ABHD6: variants seen among roughly 807,000 people sequenced by gnomAD.
The protein encoded by ABHD6 is abhydrolase domain containing 6, acylglycerol lipase.
A neutral mutation model predicts 38.8 loss-of-function variants in ABHD6; 33 were observed. The observed-to-expected ratio is 0.85, with a 90% CI of 0.64 to 1.14. The LOEUF (loss-of-function observed/expected upper bound fraction) is 1.14. Ranked by LOEUF, ABHD6 falls within the 50% of genes most tolerant of loss-of-function variation. The pLI is 0.00. For synonymous variants in ABHD6, 147 were observed against 161.6 expected (o/e 0.91, Z 0.69); for missense variants, 380 against 422.6 (o/e 0.90, Z 0.88).
In ABHD6 at chr3:58,256,472, G is replaced by T; in HGVS notation, c.-25-90G>T. On this transcript the variant is annotated intron_variant, in intron 2 of 9. Coordinates refer to ENST00000478253, the MANE Select transcript of ABHD6 (RefSeq NM_001320126.2). The surrounding 1 kb of genome is among the most constrained non-coding windows in gnomAD (Gnocchi z 4.3). ...CCTCCTGTTCTTTACCCTCACTCTG[G>T]GAACTTCACTTTTCTTGTCCCCTTT... 1 of 752,046 alleles carries T rather than the reference G, an allele frequency of 1.3e-6. No homozygotes were observed. Among genetic ancestry groups the T allele is most frequent in the East Asian group, 2.7e-5 (1 of 37,234 alleles). The allele number at this position is 752,046 out of a possible 1,614,324, so 46.6% of individuals were successfully genotyped here.
rs1235603195 is a variant in ABHD6 at position 58,286,852 on chromosome 3, GTA to G, written c.837+1415_837+1416del. ...TGTGTGTGTGTGTGTGTGTGTGTGT[GTA>G]TATATATATATATATGTATATGTAT... On this transcript the variant is annotated intron_variant, in intron 9 of 9. Coordinates refer to ENST00000478253, the MANE Select transcript of ABHD6 (RefSeq NM_001320126.2). 1.6e-3 allele frequency among the ~76,000 whole-genome samples: 111 copies of G among 70,604 alleles called. 7 individuals are homozygous for G. Among genetic ancestry groups the G allele is most frequent in the South Asian group, 4.4e-3 (6 of 1,370 alleles). 46.3% of individuals were successfully genotyped at this position (70,604 alleles called of 152,430 possible). A position where few individuals can be genotyped will look rare whatever the true frequency, so the allele number is the denominator to read the frequency against.
In ABHD6 at chr3:58,293,269, G is replaced by A. The variant is rs1370664638; in HGVS notation, c.838-320G>A. On this transcript the variant is annotated intron_variant, in intron 9 of 9. Coordinates refer to ENST00000478253, the MANE Select transcript of ABHD6 (RefSeq NM_001320126.2). The surrounding 1 kb of genome is among the most constrained non-coding windows in gnomAD (Gnocchi z 4.4). The stretch of plus-strand genomic sequence containing the variant: ...GGACTCAGGAACGAGGTCTTCCCTC[G>A]ACCCTGCTCATCCCCTGTGCTCTCT... Among the ~76,000 whole-genome samples, 1 of 152,006 alleles carries A rather than the reference G, an allele frequency of 6.6e-6. No homozygotes were observed. Among genetic ancestry groups the A allele is most frequent in the Non-Finnish European group, 1.5e-5 (1 of 68,014 alleles).
At chr3:58,247,294 G>T (rs1422252172) in intron 1 of ABHD6, among the ~76,000 whole-genome samples, 1 of 152,072 alleles carries the variant, frequency 6.6e-6, no homozygotes, top group Non-Finnish European at 1.5e-5. Flanking sequence ...GTGAGCCACG[G>T]TGCCTGGCCT....
At chr3:58,255,613 C>T (rs1444478625) in intron 2 of ABHD6, among the ~76,000 whole-genome samples, 1 of 152,010 alleles carries the variant, frequency 6.6e-6, no homozygotes, top group Non-Finnish European at 1.5e-5. Context: ...CATGAGCTAC[C>T]ATGCCCAACC....
intron 1 of ABHD6, among the ~76,000 whole-genome samples, chr3:58,241,646 T>G: frequency 6.6e-6 from 1 of 152,212 alleles, no homozygotes; most frequent in South Asian, 2.1e-4. Flanking sequence ...TGATGAAGTC[T>G]GGGGATGGGA....
intron 7 of ABHD6, among the ~76,000 whole-genome samples, chr3:58,280,311 C>T (rs1470189376): frequency 6.6e-6 from 1 of 151,648 alleles, no homozygotes; most frequent in African/African-American, 2.4e-5. Flanking sequence ...TTTCTCTAAC[C>T]TTGTCTTCTC....
chr3:58,271,897 T>G (rs1288794393), intron 6 of ABHD6, among the ~76,000 whole-genome samples: 1 of 150,308 alleles, frequency 6.7e-6, no homozygotes, highest in African/African-American at 2.4e-5. Context: ...CCCAAGTAGC[T>G]GAGATTACAG....
At chr3:58,272,574 A>G (rs1427980329) in intron 6 of ABHD6, among the ~76,000 whole-genome samples, 1 of 152,184 alleles carries the variant, frequency 6.6e-6, no homozygotes, top group Non-Finnish European at 1.5e-5. Context: ...TTCAAGTAGC[A>G]TATCTGAAAT....
At chr3:58,286,788 T>C (rs1302032724) in intron 9 of ABHD6, among the ~76,000 whole-genome samples, 2 of 146,518 alleles carry the variant, frequency 1.4e-5, no homozygotes, top group Non-Finnish European at 3.0e-5. Context: ...CTTAGATATA[T>C]ATAGGTGTGC....
At chr3:58,270,812 T>C (rs2097444301) in intron 5 of ABHD6, 120 bp from the exon 6 acceptor site, 1 of 1,157,992 alleles carries the variant, frequency 8.6e-7, no homozygotes. Context: ...AGTTTCAGAC[T>C]CTTTAAACAG....
chr3:58,247,582 TG>T (rs1252257972), intron 1 of ABHD6, among the ~76,000 whole-genome samples: 1 of 152,194 alleles, frequency 6.6e-6, no homozygotes, highest in Non-Finnish European at 1.5e-5. Flanking sequence ...TTTTGTTTTT[TG>T]TTTGTTTGTT....
intron 7 of ABHD6, among the ~76,000 whole-genome samples, chr3:58,283,573 G>A (rs182177777): frequency 6.6e-6 from 1 of 152,332 alleles, no homozygotes; most frequent in Admixed American, 6.5e-5. Context: ...CAATGGATGG[G>A]TGGGTAGATG....
chr3:58,244,757 T>TA (rs916197029), intron 1 of ABHD6, among the ~76,000 whole-genome samples: 30 of 145,614 alleles, frequency 2.1e-4, no homozygotes, highest in South Asian at 4.3e-4. Context: ...TGTCTCAAAT[T>TA]AAAAAAAAAA....
Position 58,251,194 on chromosome 3 carries a change from G to C in ABHD6, c.-26+1252G>C, listed in dbSNP as rs557322650. Among the ~76,000 whole-genome samples the C allele has an allele frequency of 1.6e-4, 24 of 152,170 alleles. No individual in the cohort carries two copies. Among genetic ancestry groups the C allele is most frequent in the African/African-American group, 5.8e-4 (24 of 41,504 alleles). On this transcript the variant is annotated intron_variant, in intron 2 of 9. Coordinates refer to ENST00000478253, the MANE Select transcript of ABHD6 (RefSeq NM_001320126.2). The surrounding 1 kb of genome is among the most constrained non-coding windows in gnomAD (Gnocchi z 5.4). Reference sequence around the variant, plus strand: ...TAGCTAGGCATGGTGGCAGATGCCTGTAATCCCAGCTACTCAGGAGGCTGA... The same window carrying C: ...TAGCTAGGCATGGTGGCAGATGCCTCTAATCCCAGCTACTCAGGAGGCTGA...
At position 58,259,337 on chromosome 3, in the gene ABHD6, T is replaced by C. The variant is rs1184240994; in HGVS notation, c.119+2632T>C. Reference sequence around the variant, plus strand: ...ATAAGTTGATAGCAAATAATTTGCTTTTTAAATTAAGTTAAAATTCACATA... The same window carrying C: ...ATAAGTTGATAGCAAATAATTTGCTCTTTAAATTAAGTTAAAATTCACATA... On this transcript the variant is annotated intron_variant, in intron 3 of 9. Transcript: ENST00000478253. This position sits in a 1 kb window ranked among gnomAD's most constrained non-coding sequence, Gnocchi z 4.7. Among the ~76,000 whole-genome samples, 1 of 152,208 alleles carries C rather than the reference T, an allele frequency of 6.6e-6. No homozygotes were observed. Among genetic ancestry groups the C allele is most frequent in the Non-Finnish European group, 1.5e-5 (1 of 68,034 alleles).
In ABHD6 at chr3:58,238,377, C is replaced by T. The variant is rs530541234; in HGVS notation, c.-91+461C>T. The T allele has an allele frequency of 6.5e-6, 1 of 152,802 alleles. No homozygotes were observed. Among genetic ancestry groups the T allele is most frequent in the East Asian group, 1.9e-4 (1 of 5,180 alleles). The allele number at this position is 152,802 out of a possible 1,614,324, so 9.5% of individuals were successfully genotyped here. On this transcript the variant is annotated intron_variant, in intron 1 of 9. Transcript: ENST00000478253. This position sits in a 1 kb window ranked among gnomAD's most constrained non-coding sequence, Gnocchi z 6.9. ...GTCACGCGCCGCCTCCGCGCCGTCC[C>T]CAAGATCTCGCTCCGCTACTCCCCT...
chr3:58,264,410 C>T (rs1279350010), intron 3 of ABHD6, among the ~76,000 whole-genome samples: 1 of 131,492 alleles, frequency 7.6e-6, no homozygotes, highest in African/African-American at 3.8e-5. Flanking sequence ...CACACACACA[C>T]ACACACACAC....
intron 9 of ABHD6, among the ~76,000 whole-genome samples, chr3:58,291,807 G>T (rs2097463226): frequency 1.3e-5 from 2 of 152,114 alleles, no homozygotes; most frequent in Admixed American, 6.5e-5. Context: ...TTTTGCCTGG[G>T]CATGATGGTG....
intron 1 of ABHD6, among the ~76,000 whole-genome samples, chr3:58,242,248 G>A (rs2097423359): frequency 6.6e-6 from 1 of 152,126 alleles, no homozygotes; most frequent in African/African-American, 2.4e-5. Flanking sequence ...GAGATGGGCA[G>A]CACCAAATCC....
Sources: gnomAD v4.1 joint callset for allele counts (sites outside exome capture counted in the v4.1 genomes callset) on GRCh38, gnomAD v4.1.1 for gene constraint, Gnocchi (gnomAD v3.1) non-coding constraint, MANE v1.5 for transcripts, NCBI Gene and HGNC (gene_info 2026-07-23, HGNC 2026-07-21) for gene names.